The following EIF3H variants were observed in gnomAD, a reference collection of about 807,000 sequenced individuals.
EIF3H encodes the protein eIF-3-gamma.
EIF3H carries 26 observed loss-of-function variants against 44.2 expected under a neutral mutation model. The ratio of observed to expected loss-of-function variants is 0.59; its 90% CI spans 0.43 to 0.82. The LOEUF is 0.82. Among genes scored for constraint, EIF3H ranks in the 40% least tolerant of loss-of-function variants. The pLI is 0.00. For missense variants in EIF3H, 359 were observed against 432.8 expected (o/e 0.83, Z 1.51); for synonymous variants, 166 against 151.9 (o/e 1.09, Z -0.68).
chr8:116,764,894 C>G (rs777975597), intron 1 of EIF3H, among the ~76,000 whole-genome samples: 1 of 152,144 alleles, frequency 6.6e-6, no homozygotes, highest in African/African-American at 2.4e-5. Context: ...AGGGTGCAAA[C>G]TGGCACTGTC....
intron 1 of EIF3H, among the ~76,000 whole-genome samples, chr8:116,735,801 A>G (rs1403466813): frequency 3.6e-5 from 5 of 137,048 alleles, no homozygotes; most frequent in South Asian, 4.5e-4. Context: ...GGGCATGCAG[A>G]AAAAAAAAAA....
At chr8:116,656,123 C>CA in intron 4 of EIF3H, 118 bp from the exon 5 acceptor site, 1 of 747,108 alleles carries the variant, frequency 1.3e-6, no homozygotes, top group Non-Finnish European at 2.0e-6. Flanking sequence ...CATTAGCACT[C>CA]TTAAAAAAAA....
Position 116,724,576 on chromosome 8 carries a change from T to A in EIF3H, c.289+1440A>T, listed in dbSNP as rs185644713. On this transcript the variant is annotated intron_variant, in intron 2 of 7. Coordinates refer to ENST00000521861, the MANE Select transcript of EIF3H (RefSeq NM_003756.3). ...ATATCTGATAAGAGGTTAATATCCA[T>A]AACTCCTTCAACTCAACAGGAAAAA... 2.6e-5 allele frequency among the ~76,000 whole-genome samples: 4 copies of A among 152,058 alleles called. No homozygotes were observed. The East Asian group carries it at 7.7e-4, about 29-fold the overall frequency.
chr8:116,685,408 G>A (rs1814059760), intron 2 of EIF3H, among the ~76,000 whole-genome samples: 1 of 152,178 alleles, frequency 6.6e-6, no homozygotes, highest in African/African-American at 2.4e-5. Context: ...TTAACACTGA[G>A]CCTCACACAG....
At chr8:116,735,800 GAA>G (rs578239452) in intron 1 of EIF3H, among the ~76,000 whole-genome samples, 1 of 134,024 alleles carries the variant, frequency 7.5e-6, no homozygotes, top group African/African-American at 2.7e-5. Flanking sequence ...TGGGCATGCA[GAA>G]AAAAAAAAAA....
chr8:116,658,810 A>C lies in EIF3H; in HGVS notation c.457+3T>G. 1 of 1,608,134 alleles carries C rather than the reference A, an allele frequency of 6.2e-7. No homozygotes were observed. The highest frequency in any genetic ancestry group is 8.5e-7 in the Non-Finnish European group (1 of 1,178,378). On this transcript the variant is annotated splice_donor_region_variant and intron_variant, in intron 3 of 7. Transcript: ENST00000521861. ...AAAAAAGAATAATAAACCTCCTACT[A>C]ACCATAAATGAGAACGACAGATTCT...
intron 1 of EIF3H, among the ~76,000 whole-genome samples, chr8:116,728,141 A>C (rs969442063): frequency 3.3e-5 from 5 of 152,224 alleles, no homozygotes; most frequent in South Asian, 2.1e-4. Flanking sequence ...CCAATAAACC[A>C]ATTATGAAAG....
intron 1 of EIF3H, among the ~76,000 whole-genome samples, chr8:116,727,592 G>A (rs1039568127): frequency 3.9e-5 from 6 of 152,182 alleles, no homozygotes; most frequent in African/African-American, 1.4e-4. Flanking sequence ...TGAATTATGG[G>A]AGGGTTTGAC....
At chr8:116,692,185 A>G (rs1814190052) in intron 2 of EIF3H, among the ~76,000 whole-genome samples, 1 of 152,214 alleles carries the variant, frequency 6.6e-6, no homozygotes, top group Admixed American at 6.5e-5. Flanking sequence ...GCATAGACAG[A>G]TACACATGCA....
At chr8:116,747,132 G>A (rs1281175293) in intron 1 of EIF3H, among the ~76,000 whole-genome samples, 1 of 151,284 alleles carries the variant, frequency 6.6e-6, no homozygotes, top group Non-Finnish European at 1.5e-5. Context: ...GTGTGATCTC[G>A]GCTCACTGCA....
intron 2 of EIF3H, among the ~76,000 whole-genome samples, chr8:116,670,821 T>C (rs971649441): frequency 3.3e-5 from 5 of 152,348 alleles, no homozygotes; most frequent in Admixed American, 3.3e-4. Flanking sequence ...TGTTACTTTT[T>C]GCAGTTTTTA....
intron 1 of EIF3H, among the ~76,000 whole-genome samples, chr8:116,762,954 G>GGA (rs1405591907): frequency 6.6e-6 from 1 of 151,208 alleles, no homozygotes; most frequent in East Asian, 1.9e-4. Context: ...AAAAAGAAAA[G>GGA]GAAAAAAAAA....
chr8:116,676,163 T>C (rs1044066453), intron 2 of EIF3H, among the ~76,000 whole-genome samples: 1 of 152,222 alleles, frequency 6.6e-6, no homozygotes, highest in African/African-American at 2.4e-5. Flanking sequence ...TTGAAGTTGG[T>C]TGTCAACTGC....
chr8:116,654,597 A>G (rs981115890), intron 5 of EIF3H, among the ~76,000 whole-genome samples: 3 of 152,230 alleles, frequency 2.0e-5, no homozygotes, highest in Non-Finnish European at 2.9e-5. Context: ...ATAAAGAAAA[A>G]TATGACCTTC....
intron 2 of EIF3H, among the ~76,000 whole-genome samples, chr8:116,716,656 T>A (rs1443433238): frequency 6.6e-6 from 1 of 152,064 alleles, no homozygotes; most frequent in Non-Finnish European, 1.5e-5. Flanking sequence ...GGTCAGACAG[T>A]AAATATTTCA....
In EIF3H at chr8:116,734,716, C is replaced by G. The variant is rs557699076; in HGVS notation, c.133-8544G>C. On this transcript the variant is annotated intron_variant, in intron 1 of 7. Transcript: ENST00000521861. Reference sequence around the variant, plus strand: ...AATTACAGGTGCACGCCACCACACCCGGCTAAGTTTGTTCTGTATTTCTAG... The same window carrying G: ...AATTACAGGTGCACGCCACCACACCGGGCTAAGTTTGTTCTGTATTTCTAG... 7.9e-5 allele frequency among the ~76,000 whole-genome samples: 12 copies of G among 152,110 alleles called. No homozygotes were observed. In the South Asian group the frequency reaches 1.7e-3, roughly 21 times the overall value.
At chr8:116,751,104 T>C (rs947052012) in intron 1 of EIF3H, among the ~76,000 whole-genome samples, 6 of 151,114 alleles carry the variant, frequency 4.0e-5, no homozygotes, top group Non-Finnish European at 7.4e-5. Context: ...CCCAGCTACT[T>C]GGGAGGCTGA....
At chr8:116,713,816 T>C (rs1814614771) in intron 2 of EIF3H, among the ~76,000 whole-genome samples, 1 of 152,098 alleles carries the variant, frequency 6.6e-6, no homozygotes, top group African/African-American at 2.4e-5. Flanking sequence ...AGTTTTAACA[T>C]TTTCAAAATA....
chr8:116,661,634 C>T (rs182703277), intron 2 of EIF3H, among the ~76,000 whole-genome samples: 2 of 152,312 alleles, frequency 1.3e-5, no homozygotes, highest in Admixed American at 1.3e-4. Flanking sequence ...GGGCCTCCAG[C>T]ATGCATTATG....
Sources: allele counts gnomAD v4.1 joint callset (sites outside exome capture counted in the v4.1 genomes callset), GRCh38; gene constraint gnomAD v4.1.1; transcripts MANE v1.5; gene names NCBI Gene and HGNC (gene_info 2026-07-23, HGNC 2026-07-21).